Variants in ZMIZ1 observed in about 807,000 individuals in gnomAD.
ZMIZ1 encodes zinc finger MIZ-type containing 1.
In ZMIZ1, 17 loss-of-function variants were observed where a neutral mutation model predicts 113.9. The observed-to-expected ratio is 0.15, with a 90% confidence interval of 0.10 to 0.22. The LOEUF (loss-of-function observed/expected upper bound fraction) is 0.22, where lower values mean the gene tolerates loss of function less well. Ranked by LOEUF, ZMIZ1 falls within the 10% of genes least tolerant of loss-of-function variation. ZMIZ1 has a pLI of 1.00. For missense variants in ZMIZ1, 1,059 were observed against 1,477.8 expected (o/e 0.72, Z 4.65); for synonymous variants, 607 against 603.1 (o/e 1.01, Z -0.09).
intron 7 of ZMIZ1, among the ~76,000 whole-genome samples, chr10:79,265,085 G>A (rs1230591840): frequency 2.0e-5 from 3 of 152,318 alleles, no homozygotes; most frequent in South Asian, 4.1e-4. Flanking sequence ...GAGGTTCCCT[G>A]GAGTTCAGTT....
chr10:79,130,414 C>G (rs1240796193), intron 2 of ZMIZ1, among the ~76,000 whole-genome samples: 1 of 152,214 alleles, frequency 6.6e-6, no homozygotes, highest in Non-Finnish European at 1.5e-5. Context: ...TCCAACCCTA[C>G]CCAGTATACA....
At chr10:79,242,326 C>T (rs1029815567) in intron 7 of ZMIZ1, among the ~76,000 whole-genome samples, 1 of 151,832 alleles carries the variant, frequency 6.6e-6, no homozygotes, top group Admixed American at 6.5e-5. Context: ...TCCCTCCTGC[C>T]GCCAGCTCCT....
chr10:79,143,906 G>A (rs1168219864), intron 3 of ZMIZ1, among the ~76,000 whole-genome samples: 1 of 152,178 alleles, frequency 6.6e-6, no homozygotes, highest in African/African-American at 2.4e-5. Context: ...GGAGGCTCAG[G>A]AGACTTTTCC....
At chr10:79,239,201 CCT>C (rs1849711338) in intron 7 of ZMIZ1, among the ~76,000 whole-genome samples, 1 of 152,196 alleles carries the variant, frequency 6.6e-6, no homozygotes, top group South Asian at 2.1e-4. Flanking sequence ...AGGCAGAGCC[CCT>C]GAGTTGTCTC....
Position 79,312,915 on chromosome 10 carries a change from G to A in ZMIZ1, c.*166G>A. 3.2e-6 allele frequency: 2 copies of A among 632,740 alleles called. No homozygotes were observed. The highest frequency in any genetic ancestry group is 5.5e-6 in the Non-Finnish European group (2 of 365,560). The allele number at this position is 632,740 out of a possible 1,614,324, so 39.2% of individuals were successfully genotyped here. ...GCAGCCCTCTCAGAACAGAGGGGTA[G>A]GGAGGGTGCACCAGTGCACCAGGAA... is the stretch of plus-strand genomic sequence containing the variant. On this transcript the variant is annotated 3_prime_UTR_variant, in exon 25 of 25. Coordinates refer to ENST00000334512, the MANE Select transcript of ZMIZ1 (RefSeq NM_020338.4).
intron 8 of ZMIZ1, among the ~76,000 whole-genome samples, chr10:79,278,145 C>T (rs77091247): frequency 2.1e-3 from 314 of 152,334 alleles, no homozygotes; most frequent in African/African-American, 7.1e-3. Flanking sequence ...CTTTATAAAT[C>T]GAATTAGAGG....
intron 4 of ZMIZ1, among the ~76,000 whole-genome samples, chr10:79,193,564 C>T (rs775140806): frequency 6.6e-6 from 1 of 152,170 alleles, no homozygotes; most frequent in Non-Finnish European, 1.5e-5. Flanking sequence ...CTGCTGAGTA[C>T]GGAGCCCTGG....
chr10:79,080,641 T>C (rs554690734), intron 1 of ZMIZ1, among the ~76,000 whole-genome samples: 1 of 152,280 alleles, frequency 6.6e-6, no homozygotes, highest in Admixed American at 6.5e-5. Context: ...TGTTTGGCGA[T>C]GGGGCTGTGA....
chr10:79,135,692 T>C (rs187543325), intron 2 of ZMIZ1, among the ~76,000 whole-genome samples: 18 of 152,342 alleles, frequency 1.2e-4, no homozygotes, highest in African/African-American at 1.4e-4. Context: ...CATTGGCCCA[T>C]TGGAGATCCC....
chr10:79,146,953 T>C (rs61853179), intron 3 of ZMIZ1, among the ~76,000 whole-genome samples: 1,465 of 105,342 alleles, frequency 0.014, 10 homozygotes, highest in South Asian at 0.023. Context: ...TACGTGTGTG[T>C]GTGTGTGTGT....
chr10:79,183,358 G>GCGCACACACA (rs1012739667), intron 4 of ZMIZ1, among the ~76,000 whole-genome samples: 17 of 150,692 alleles, frequency 1.1e-4, no homozygotes, highest in African/African-American at 3.7e-4. Flanking sequence ...TCGTGCACGC[G>GCGCACACACA]CACACACACA....
intron 7 of ZMIZ1, among the ~76,000 whole-genome samples, chr10:79,223,784 T>A (rs1288549270): frequency 6.6e-6 from 1 of 152,194 alleles, no homozygotes; most frequent in African/African-American, 2.4e-5. Flanking sequence ...CTGGGTGAAC[T>A]GGTGGGTGGC....
intron 1 of ZMIZ1, among the ~76,000 whole-genome samples, chr10:79,114,467 GTGTGTGTGTC>G (rs144198996): frequency 0.032 from 3,597 of 112,340 alleles, 57 homozygotes; most frequent in South Asian, 0.047. Flanking sequence ...GTGTGTATGT[GTGTGTGTGTC>G]TGTGTGTGTG....
intron 1 of ZMIZ1, among the ~76,000 whole-genome samples, chr10:79,106,575 C>T (rs1843567843): frequency 1.3e-5 from 2 of 152,242 alleles, no homozygotes; most frequent in South Asian, 2.1e-4. Context: ...CCAGAAGCTC[C>T]TATAAGAACT....
chr10:79,262,770 T>A (rs904780681), intron 7 of ZMIZ1, among the ~76,000 whole-genome samples: 2 of 152,206 alleles, frequency 1.3e-5, no homozygotes, highest in Admixed American at 1.3e-4. Flanking sequence ...CAGGGACCCC[T>A]GCAGCTGGGA....
chr10:79,114,575 C>G (rs549498974), intron 1 of ZMIZ1, among the ~76,000 whole-genome samples: 34 of 135,714 alleles, frequency 2.5e-4, no homozygotes, highest in Non-Finnish European at 4.0e-4. Flanking sequence ...AGGGAAGGGG[C>G]GGGTAAAAGC....
Position 79,179,578 on chromosome 10 carries a change from G to A in ZMIZ1, c.-50+17445G>A, listed in dbSNP as rs148005234. Among the ~76,000 whole-genome samples, 32 of 152,374 alleles carry A rather than the reference G, an allele frequency of 2.1e-4. No homozygotes were observed. In the East Asian group the frequency reaches 6.0e-3, roughly 29 times the overall value. ...CTGTGGTGAGCTGAGAGAGAGCTGA[G>A]TGGCTGCAGGTCTCAGCCTCTTCCC... On this transcript the variant is annotated intron_variant, in intron 4 of 24. Coordinates refer to ENST00000334512, the MANE Select transcript of ZMIZ1 (RefSeq NM_020338.4).
At chr10:79,292,104 A>G (rs1269095267) in intron 10 of ZMIZ1, 54 bp from the exon 11 acceptor site, 3 of 1,525,684 alleles carry the variant, frequency 2.0e-6, no homozygotes, top group Non-Finnish European at 2.7e-6. Flanking sequence ...GCTTGCCCTC[A>G]GTTCCCCTCA....
chr10:79,284,669 A>G (rs1253545396), intron 8 of ZMIZ1, among the ~76,000 whole-genome samples: 2 of 152,174 alleles, frequency 1.3e-5, no homozygotes, highest in East Asian at 3.9e-4. Context: ...GTCCCACTTT[A>G]CAGATGAGAA....
Sources: gnomAD v4.1 joint callset for allele counts (sites outside exome capture counted in the v4.1 genomes callset) on GRCh38, gnomAD v4.1.1 for gene constraint, MANE v1.5 for transcripts, NCBI Gene and HGNC (gene_info 2026-07-23, HGNC 2026-07-21) for gene names.